STEAP1B: variants seen among roughly 807,000 people sequenced by gnomAD.
The protein encoded by STEAP1B is STEAP family protein MGC87042.
In STEAP1B, 13 loss-of-function variants were observed where a neutral mutation model predicts 27.9. The ratio of observed to expected loss-of-function variants is 0.47; its 90% confidence interval spans 0.30 to 0.74. The LOEUF is 0.74. Among genes scored for constraint, STEAP1B ranks in the 30% least tolerant of loss-of-function variants. The probability of loss-of-function intolerance (pLI) is 0.06; values close to 1 mark genes in which losing one functional copy is unlikely to be tolerated. For synonymous variants in STEAP1B, 86 were observed against 107.1 expected (o/e 0.80, Z 1.22); for missense variants, 250 against 298.7 (o/e 0.84, Z 1.20).
chr7:22,468,798 T>C (rs1423391573), intron 4 of STEAP1B, among the ~76,000 whole-genome samples: 3 of 152,226 alleles, frequency 2.0e-5, no homozygotes, highest in African/African-American at 7.2e-5. Context: ...CTCATCATCT[T>C]GTGACGTCAT....
In STEAP1B at chr7:22,493,327, T is replaced by C. The variant is rs775886200; in HGVS notation, c.594A>G (p.Gln198=). The C allele has an allele frequency of 1.9e-6, 3 of 1,610,264 alleles. No individual in the cohort carries two copies. Among genetic ancestry groups the C allele is most frequent in the African/African-American group, 2.7e-5 (2 of 74,818 alleles). ...YRYKLLNWAY[Q]QVQQNKEDAW... Reference sequence around the variant, plus strand: ...AGTGACATCATTGTCATCTCACCTGTTGATATGCCCAGTTTAGCAACTTGT... The same window carrying C: ...AGTGACATCATTGTCATCTCACCTGCTGATATGCCCAGTTTAGCAACTTGT... The change falls in exon 3 of 5, where the codon CAA becomes CAG. Residue 198 remains glutamine (Q), a synonymous_variant. Coordinates refer to ENST00000678116, the MANE Select transcript of STEAP1B (RefSeq NM_001382447.1).
chr7:22,473,532 C>A (rs1315831815), intron 4 of STEAP1B, among the ~76,000 whole-genome samples: 3 of 152,198 alleles, frequency 2.0e-5, no homozygotes, highest in African/African-American at 7.2e-5. Flanking sequence ...GAATCTGTGT[C>A]TTGAGTGCTG....
chr7:22,464,288 A>C (rs1785732401), intron 4 of STEAP1B, among the ~76,000 whole-genome samples: 1 of 152,202 alleles, frequency 6.6e-6, no homozygotes, highest in East Asian at 1.9e-4. Flanking sequence ...TGGAGACCTC[A>C]GGCTCAGATC....
At position 22,425,348 on chromosome 7, in the gene STEAP1B, G is replaced by C. The variant is rs78344188; in HGVS notation, c.763-5512C>G. On this transcript the variant is annotated intron_variant, in intron 4 of 4. Coordinates refer to ENST00000678116, the MANE Select transcript of STEAP1B (RefSeq NM_001382447.1). ...AGCAAGGCATCCACCAACTGGGGCC[G>C]TCCAGTATTATCCATGGCCTATATT... Among the ~76,000 whole-genome samples, 610 of 152,322 alleles carry C rather than the reference G, an allele frequency of 4.0e-3. 1 individual carries two copies. The highest frequency in any genetic ancestry group is 0.014 in the African/African-American group (590 of 41,564).
At chr7:22,441,177 CA>C (rs1256468574) in intron 4 of STEAP1B, among the ~76,000 whole-genome samples, 1 of 152,010 alleles carries the variant, frequency 6.6e-6, no homozygotes, top group Non-Finnish European at 1.5e-5. Context: ...TCAAAAACTC[CA>C]TAATTTGTAT....
At chr7:22,491,984 T>G (rs1786330502) in intron 4 of STEAP1B, among the ~76,000 whole-genome samples, 2 of 152,076 alleles carry the variant, frequency 1.3e-5, no homozygotes, top group Non-Finnish European at 2.9e-5. Context: ...TCCCCTCTTT[T>G]CTGATTCAGT....
chr7:22,475,880 C>T (rs1390066356), intron 4 of STEAP1B, among the ~76,000 whole-genome samples: 1 of 152,176 alleles, frequency 6.6e-6, no homozygotes, highest in Non-Finnish European at 1.5e-5. Context: ...GTGAAAATGC[C>T]GTAGAAACTG....
intron 4 of STEAP1B, among the ~76,000 whole-genome samples, chr7:22,482,039 C>T (rs1786084144): frequency 6.6e-6 from 1 of 152,192 alleles, no homozygotes; most frequent in African/African-American, 2.4e-5. Flanking sequence ...ACTGACTGCT[C>T]CCCACAGGGG....
intron 4 of STEAP1B, among the ~76,000 whole-genome samples, chr7:22,487,737 G>A (rs368248420): frequency 2.3e-4 from 35 of 149,318 alleles, no homozygotes; most frequent in East Asian, 1.8e-3. Context: ...CCTGGGAGGC[G>A]GAGGTTACGA....
At chr7:22,472,671 G>A (rs1178450102) in intron 4 of STEAP1B, among the ~76,000 whole-genome samples, 1 of 152,190 alleles carries the variant, frequency 6.6e-6, no homozygotes. Flanking sequence ...AGTTCTGGTG[G>A]TGAAAGGAGT....
intron 4 of STEAP1B, among the ~76,000 whole-genome samples, chr7:22,428,903 C>T (rs1163088823): frequency 6.6e-6 from 1 of 152,140 alleles, no homozygotes; most frequent in Non-Finnish European, 1.5e-5. Context: ...TGTAAATAGG[C>T]CTTTCACCAC....
intron 4 of STEAP1B, among the ~76,000 whole-genome samples, chr7:22,464,134 A>G (rs902349261): frequency 2.0e-5 from 3 of 152,228 alleles, no homozygotes; most frequent in South Asian, 2.1e-4. Flanking sequence ...AGTGTTGTTC[A>G]TTATTCACTT....
At chr7:22,468,359 A>G (rs1043914469) in intron 4 of STEAP1B, among the ~76,000 whole-genome samples, 2 of 152,156 alleles carry the variant, frequency 1.3e-5, no homozygotes, top group South Asian at 2.1e-4. Context: ...TGAGGAAAGG[A>G]GGCTGAGTAG....
At chr7:22,426,602 G>C (rs1785110808) in intron 4 of STEAP1B, among the ~76,000 whole-genome samples, 1 of 152,202 alleles carries the variant, frequency 6.6e-6, no homozygotes, top group Non-Finnish European at 1.5e-5. Flanking sequence ...TGTCACATGG[G>C]GCAGTGGCTT....
At chr7:22,450,604 T>G (rs1330657040) in intron 4 of STEAP1B, among the ~76,000 whole-genome samples, 5 of 151,760 alleles carry the variant, frequency 3.3e-5, no homozygotes, top group Admixed American at 2.6e-4. Context: ...GTTTTGTTTT[T>G]TTTTTTTTGC....
At chr7:22,463,935 CA>C (rs1489621384) in intron 4 of STEAP1B, among the ~76,000 whole-genome samples, 1 of 151,548 alleles carries the variant, frequency 6.6e-6, no homozygotes, top group Non-Finnish European at 1.5e-5. Flanking sequence ...GCAATGGCAA[CA>C]AAAGCCAAAA....
intron 4 of STEAP1B, among the ~76,000 whole-genome samples, chr7:22,465,123 C>T (rs540457395): frequency 1.8e-4 from 28 of 151,434 alleles, no homozygotes; most frequent in Admixed American, 2.6e-4. Flanking sequence ...ATCACCCAGA[C>T]GGCTACGAGG....
intron 4 of STEAP1B, among the ~76,000 whole-genome samples, chr7:22,435,565 G>A (rs1362011628): frequency 6.6e-6 from 1 of 152,186 alleles, no homozygotes; most frequent in Non-Finnish European, 1.5e-5. Context: ...TGGTTATTAA[G>A]AAGTCTATAG....
intron 4 of STEAP1B, among the ~76,000 whole-genome samples, chr7:22,444,194 C>T (rs1364214912): frequency 6.6e-6 from 1 of 152,208 alleles, no homozygotes; most frequent in African/African-American, 2.4e-5. Context: ...CGTCTCTAGG[C>T]CTCAGTTTCC....
Sources: allele counts gnomAD v4.1 joint callset (sites outside exome capture counted in the v4.1 genomes callset), GRCh38; gene constraint gnomAD v4.1.1; transcripts MANE v1.5; gene names NCBI Gene and HGNC (gene_info 2026-07-23, HGNC 2026-07-21).